CDH13: variants seen among roughly 807,000 people sequenced by gnomAD.
The protein encoded by CDH13 is cadherin 13, also known as cadherin-13.
In CDH13, 24 loss-of-function variants were observed where a neutral mutation model predicts 63.8. The ratio of observed to expected loss-of-function variants is 0.38; its 90% CI spans 0.27 to 0.53. The LOEUF (loss-of-function observed/expected upper bound fraction) is 0.53. Ranked by LOEUF, CDH13 falls within the 20% of genes least tolerant of loss-of-function variation. CDH13 has a pLI of 0.85. For synonymous variants in CDH13, 503 were observed against 355.3 expected, an observed-to-expected ratio of 1.42 and a Z score of -4.67; for missense variants, 1,049 against 903.1, an observed-to-expected ratio of 1.16 and a Z score of -2.07.
At chr16:83,571,025 C>G (rs1904572997) in intron 7 of CDH13, among the ~76,000 whole-genome samples, 1 of 147,476 alleles carries the variant, frequency 6.8e-6, no homozygotes, top group Non-Finnish European at 1.5e-5. Context: ...CATTCAAAAG[C>G]AGAGGAGCTG....
chr16:83,746,937 A>G (rs1352879737), intron 10 of CDH13, among the ~76,000 whole-genome samples: 1 of 152,222 alleles, frequency 6.6e-6, no homozygotes, highest in African/African-American at 2.4e-5. Flanking sequence ...ATGGTTTCCC[A>G]TTATCCAAAG....
At chr16:82,737,658 AC>A (rs1290778294) in intron 1 of CDH13, among the ~76,000 whole-genome samples, 1 of 152,084 alleles carries the variant, frequency 6.6e-6, no homozygotes, top group African/African-American at 2.4e-5. Flanking sequence ...TTGACTGATG[AC>A]CCCAGACACA....
At chr16:83,381,833 C>A (rs552014850) in intron 6 of CDH13, among the ~76,000 whole-genome samples, 3 of 152,192 alleles carry the variant, frequency 2.0e-5, no homozygotes, top group East Asian at 1.9e-4. Context: ...TAGAGACAGA[C>A]TGAAGTCTAA....
At chr16:82,928,164 A>ATG (rs5818417) in intron 2 of CDH13, among the ~76,000 whole-genome samples, 1,652 of 150,938 alleles carry the variant, frequency 0.011, 34 homozygotes, top group African/African-American at 0.032. Context: ...GCAGTCGTGT[A>ATG]TGTGTGTGTG....
intron 2 of CDH13, among the ~76,000 whole-genome samples, chr16:82,862,888 T>C (rs977168541): frequency 3.9e-5 from 6 of 152,350 alleles, no homozygotes; most frequent in Non-Finnish European, 5.9e-5. Context: ...TCCAACTTGG[T>C]CCTACCATCT....
chr16:83,116,946 C>T (rs2035329917), intron 3 of CDH13, among the ~76,000 whole-genome samples: 2 of 152,192 alleles, frequency 1.3e-5, no homozygotes, highest in Admixed American at 1.3e-4. Flanking sequence ...AGACCACTTT[C>T]ACATGCAGCT....
chr16:83,511,427 A>G (rs900170565), intron 7 of CDH13, among the ~76,000 whole-genome samples: 2 of 152,126 alleles, frequency 1.3e-5, no homozygotes, highest in African/African-American at 4.8e-5. Flanking sequence ...ACGCCACTGC[A>G]CAGCAGCCTG....
chr16:83,644,130 C>T (rs898612159), intron 8 of CDH13, among the ~76,000 whole-genome samples: 3 of 152,228 alleles, frequency 2.0e-5, no homozygotes, highest in Admixed American at 6.5e-5. Flanking sequence ...CTGTAATCTC[C>T]TTCTCTTTAT....
chr16:83,553,493 C>T (rs1009967761), intron 7 of CDH13, among the ~76,000 whole-genome samples: 1 of 152,142 alleles, frequency 6.6e-6, no homozygotes, highest in African/African-American at 2.4e-5. Flanking sequence ...TACATTCTTC[C>T]ATGTAACTTT....
At chr16:83,549,919 C>G (rs1266007903) in intron 7 of CDH13, among the ~76,000 whole-genome samples, 1 of 152,148 alleles carries the variant, frequency 6.6e-6, no homozygotes, top group East Asian at 1.9e-4. Flanking sequence ...GAGGTTTTAA[C>G]TGTATGCATG....
chr16:83,041,120 CCTT>C (rs1343829418), intron 3 of CDH13, among the ~76,000 whole-genome samples: 2 of 152,092 alleles, frequency 1.3e-5, no homozygotes, highest in Non-Finnish European at 2.9e-5. Context: ...AACAATTTAC[CCTT>C]CTTAACTGGA....
intron 5 of CDH13, among the ~76,000 whole-genome samples, chr16:83,218,177 T>G (rs929423640): frequency 6.6e-6 from 1 of 152,194 alleles, no homozygotes; most frequent in African/African-American, 2.4e-5. Flanking sequence ...CTTACCTACT[T>G]AAATGCATTA....
chr16:82,851,356 A>G (rs1436897300), intron 1 of CDH13, among the ~76,000 whole-genome samples: 1 of 148,578 alleles, frequency 6.7e-6, no homozygotes, highest in African/African-American at 2.5e-5. Flanking sequence ...AATTGCTTGA[A>G]CCCTGGAGGC....
At chr16:83,322,916 C>G (rs911388662) in intron 5 of CDH13, among the ~76,000 whole-genome samples, 2 of 152,076 alleles carry the variant, frequency 1.3e-5, no homozygotes, top group Non-Finnish European at 2.9e-5. Context: ...TTAATTGATA[C>G]TGAGTGTTTA....
intron 8 of CDH13, among the ~76,000 whole-genome samples, chr16:83,607,003 C>T (rs1908401825): frequency 6.6e-6 from 1 of 151,974 alleles, no homozygotes; most frequent in Non-Finnish European, 1.5e-5. Context: ...TGTAGCCTCC[C>T]TTACCTGTAA....
intron 8 of CDH13, among the ~76,000 whole-genome samples, chr16:83,623,091 A>G (rs1909960780): frequency 6.6e-6 from 1 of 152,194 alleles, no homozygotes; most frequent in South Asian, 2.1e-4. Context: ...TCTGCTAGGT[A>G]GAGTAAGAAG....
At chr16:82,808,932 A>T (rs943039752) in intron 1 of CDH13, among the ~76,000 whole-genome samples, 1 of 152,212 alleles carries the variant, frequency 6.6e-6, no homozygotes, top group Non-Finnish European at 1.5e-5. Context: ...ATGTTTACAC[A>T]TAAGAGTATA....
At chr16:83,407,156 C>T (rs8049267) in intron 6 of CDH13, among the ~76,000 whole-genome samples, 12,424 of 152,218 alleles carry the variant, frequency 0.082, 571 homozygotes, top group Middle Eastern at 0.14. Context: ...GTGAGCAAAG[C>T]AAACAAAACT....
chr16:82,891,137 C>G (rs2041067265), intron 2 of CDH13, among the ~76,000 whole-genome samples: 1 of 150,562 alleles, frequency 6.6e-6, no homozygotes, highest in African/African-American at 2.4e-5. Context: ...GCCTCTGTAT[C>G]AGCATTATGT....
Sources: allele counts gnomAD v4.1 joint callset (sites outside exome capture counted in the v4.1 genomes callset), GRCh38; gene constraint gnomAD v4.1.1; transcripts MANE v1.5; gene names NCBI Gene and HGNC (gene_info 2026-07-23, HGNC 2026-07-21).